PTPRT: variants seen among roughly 807,000 people sequenced by gnomAD.
PTPRT encodes the protein protein tyrosine phosphatase receptor type T.
Under a neutral mutation model 176.8 loss-of-function variants are expected in PTPRT, and 56 were observed. That is an observed-to-expected ratio of 0.32 (90% CI 0.26 to 0.40). The LOEUF (loss-of-function observed/expected upper bound fraction) is 0.40. Among genes scored for constraint, PTPRT ranks in the 10% least tolerant of loss-of-function variants. The pLI, the probability that PTPRT is intolerant of heterozygous loss-of-function variation, is 1.00. For missense variants in PTPRT, 1,540 were observed against 1,908.2 expected (o/e 0.81, Z 3.60); for synonymous variants, 783 against 739.0 (o/e 1.06, Z -0.96).
At chr20:42,445,751 T>C (rs1326082381) in intron 9 of PTPRT, among the ~76,000 whole-genome samples, 5 of 152,190 alleles carry the variant, frequency 3.3e-5, no homozygotes, top group African/African-American at 1.2e-4. Context: ...TTGTCTCCCA[T>C]AGAATCCATG....
At chr20:42,260,536 C>G (rs2056730799) in intron 13 of PTPRT, among the ~76,000 whole-genome samples, 1 of 152,152 alleles carries the variant, frequency 6.6e-6, no homozygotes, top group Non-Finnish European at 1.5e-5. Flanking sequence ...TTCAGGCAGC[C>G]AGTATGAGAG....
At chr20:43,036,989 C>CA (rs1370800463) in intron 1 of PTPRT, among the ~76,000 whole-genome samples, 1 of 152,134 alleles carries the variant, frequency 6.6e-6, no homozygotes, top group East Asian at 1.9e-4. Context: ...TGGTTCTTTT[C>CA]AAAAGACCAT....
At chr20:42,386,996 T>C (rs892046317) in intron 9 of PTPRT, among the ~76,000 whole-genome samples, 13 of 152,248 alleles carry the variant, frequency 8.5e-5, no homozygotes, top group African/African-American at 2.7e-4. Context: ...CTGAAACCTA[T>C]GATTTTCCCA....
chr20:42,578,023 C>G (rs1436811561), intron 7 of PTPRT, among the ~76,000 whole-genome samples: 1 of 151,364 alleles, frequency 6.6e-6, no homozygotes, highest in Non-Finnish European at 1.5e-5. Context: ...CGCTAGCAAA[C>G]TGGAAGGCAG....
At chr20:42,357,132 G>A (rs2058368664) in intron 9 of PTPRT, among the ~76,000 whole-genome samples, 1 of 152,222 alleles carries the variant, frequency 6.6e-6, no homozygotes, top group Non-Finnish European at 1.5e-5. Context: ...TACCAGCCCA[G>A]GAGCTGAAAA....
chr20:42,153,778 C>G (rs1989233302), intron 17 of PTPRT, among the ~76,000 whole-genome samples: 1 of 152,206 alleles, frequency 6.6e-6, no homozygotes, highest in South Asian at 2.1e-4. Flanking sequence ...AGCAACTCTT[C>G]TCTACACTTG....
At chr20:42,347,002 T>C (rs1600867101) in intron 11 of PTPRT, among the ~76,000 whole-genome samples, 1 of 152,084 alleles carries the variant, frequency 6.6e-6, no homozygotes, top group Admixed American at 6.6e-5. Flanking sequence ...TCACGTGACA[T>C]ACCAGGCAGA....
chr20:42,303,456 T>C (rs974239708), intron 12 of PTPRT, among the ~76,000 whole-genome samples: 3 of 152,142 alleles, frequency 2.0e-5, no homozygotes, highest in African/African-American at 4.8e-5. Flanking sequence ...TATTCCTCTA[T>C]GAAGCTATCT....
At chr20:42,182,621 T>C (rs1333110797) in intron 16 of PTPRT, among the ~76,000 whole-genome samples, 1 of 152,168 alleles carries the variant, frequency 6.6e-6, no homozygotes, top group Non-Finnish European at 1.5e-5. Flanking sequence ...ATCCTGAAGA[T>C]AAAAGGTTTC....
At chr20:42,804,270 C>T (rs1003579154) in intron 2 of PTPRT, among the ~76,000 whole-genome samples, 1 of 152,172 alleles carries the variant, frequency 6.6e-6, no homozygotes, top group African/African-American at 2.4e-5. Context: ...TCTCCCATTC[C>T]CCATCCCTAG....
At chr20:43,126,434 A>G (rs1356814337) in intron 1 of PTPRT, among the ~76,000 whole-genome samples, 1 of 152,194 alleles carries the variant, frequency 6.6e-6, no homozygotes, top group African/African-American at 2.4e-5. Flanking sequence ...ATAAGAAGAA[A>G]AGGAAGTTTT....
chr20:42,729,797 C>A (rs1405066140), intron 6 of PTPRT, among the ~76,000 whole-genome samples: 2 of 152,102 alleles, frequency 1.3e-5, no homozygotes, highest in Admixed American at 6.5e-5. Context: ...TCATAGATAA[C>A]CTGATTTCCC....
chr20:42,032,531 T>TCCTTATTGATCATGAGAAC, the PTPRT span, among the ~76,000 whole-genome samples: 1 of 152,166 alleles, frequency 6.6e-6, no homozygotes, highest in Non-Finnish European at 1.5e-5. Context: ...ATCATGAGAT[T>TCCTTATTGATCATGAGAAC]CCTTATTGAT....
chr20:42,458,750 G>A (rs755664618), intron 8 of PTPRT, among the ~76,000 whole-genome samples: 1 of 152,062 alleles, frequency 6.6e-6, no homozygotes, highest in East Asian at 1.9e-4. Context: ...AGCTTTCTAC[G>A]ATCTTCTTCT....
At chr20:42,559,747 T>C (rs2072919526) in intron 7 of PTPRT, among the ~76,000 whole-genome samples, 1 of 152,232 alleles carries the variant, frequency 6.6e-6, no homozygotes, top group Non-Finnish European at 1.5e-5. Flanking sequence ...AAAGCTGAAA[T>C]AACCATAATG....
chr20:43,010,790 C>T (rs2146150388), intron 1 of PTPRT, among the ~76,000 whole-genome samples: 1 of 151,536 alleles, frequency 6.6e-6, no homozygotes, highest in East Asian at 1.9e-4. Context: ...ACCATGAGTA[C>T]TAAGCAGGTT....
chr20:42,436,667 T>C (rs1467949110), intron 9 of PTPRT, among the ~76,000 whole-genome samples: 3 of 152,184 alleles, frequency 2.0e-5, no homozygotes, highest in Non-Finnish European at 2.9e-5. Flanking sequence ...TCTGACCTAG[T>C]TTCTAGATAG....
intron 13 of PTPRT, among the ~76,000 whole-genome samples, chr20:42,249,441 T>C (rs1164361586): frequency 6.6e-6 from 1 of 152,216 alleles, no homozygotes; most frequent in East Asian, 1.9e-4. Flanking sequence ...CTACCAGGTG[T>C]TAACTTGCTG....
intron 13 of PTPRT, among the ~76,000 whole-genome samples, chr20:42,276,099 C>T (rs886554700): frequency 1.3e-5 from 2 of 152,138 alleles, no homozygotes; most frequent in African/African-American, 2.4e-5. Context: ...TTTGGACATG[C>T]TATGCTCCTG....
Sources: allele counts gnomAD v4.1 joint callset (sites outside exome capture counted in the v4.1 genomes callset), GRCh38; gene constraint gnomAD v4.1.1; transcripts MANE v1.5; gene names NCBI Gene and HGNC (gene_info 2026-07-23, HGNC 2026-07-21).